DOK5: variants seen among roughly 807,000 people sequenced by gnomAD.
DOK5 encodes downstream of tyrosine kinase 5.
DOK5 carries 27 observed loss-of-function variants against 43.3 expected under a neutral mutation model. The observed-to-expected ratio is 0.62, with a 90% CI of 0.46 to 0.86. The LOEUF (loss-of-function observed/expected upper bound fraction) is 0.86. DOK5 is among the 40% of genes least tolerant of loss of function. The pLI is 0.00. For synonymous variants in DOK5, 146 were observed against 140.1 expected (o/e 1.04, Z -0.30); for missense variants, 373 against 392.9 (o/e 0.95, Z 0.43).
chr20:54,651,054 G>A lies in DOK5; in HGVS notation c.*575G>A, dbSNP rs2841. 0.3 allele frequency: 45,834 copies of A among 152,164 alleles called. 8,399 individuals carry two copies. Among genetic ancestry groups the A allele is most frequent in the East Asian group, 0.44 (2,263 of 5,156 alleles). 9.4% of individuals were successfully genotyped at this position (152,164 alleles called of 1,614,324 possible). A position where few individuals can be genotyped will look rare whatever the true frequency, so the allele number is the denominator to read the frequency against. ...AAGAACCCGTTAGTGTTGTTTACAG[G>A]GTTACAGTTTCTCTCACATGCTTTC... On this transcript the variant is annotated 3_prime_UTR_variant, in exon 8 of 8. Transcript: ENST00000262593.
chr20:54,561,149 C>T (rs1984891574), intron 2 of DOK5, among the ~76,000 whole-genome samples: 1 of 152,174 alleles, frequency 6.6e-6, no homozygotes, highest in African/African-American at 2.4e-5. Context: ...TCTGCTCTGT[C>T]TTCACCTCCC....
intron 1 of DOK5, among the ~76,000 whole-genome samples, chr20:54,502,307 A>T (rs1373489662): frequency 6.6e-6 from 1 of 152,212 alleles, no homozygotes; most frequent in African/African-American, 2.4e-5. Context: ...TTCTATGTAT[A>T]AGGTAATTCT....
chr20:54,569,782 A>G (rs1339427922), intron 2 of DOK5, among the ~76,000 whole-genome samples: 3 of 152,206 alleles, frequency 2.0e-5, no homozygotes, highest in Non-Finnish European at 2.9e-5. Context: ...TTTCACATGG[A>G]CAAATAAAGA....
chr20:54,499,225 G>C (rs1057259716), intron 1 of DOK5, among the ~76,000 whole-genome samples: 2 of 152,190 alleles, frequency 1.3e-5, no homozygotes, highest in African/African-American at 4.8e-5. Context: ...TACATGCCAT[G>C]CTAGATTTTC....
At chr20:54,476,249 G>A (rs1981420217) in intron 1 of DOK5, 2 of 963,994 alleles carry the variant, frequency 2.1e-6, no homozygotes, top group South Asian at 9.6e-5. Flanking sequence ...CCGCGTGTTG[G>A]GCTTCAGTAG....
intron 1 of DOK5, among the ~76,000 whole-genome samples, chr20:54,517,112 G>A (rs955743310): frequency 6.6e-6 from 1 of 152,174 alleles, no homozygotes; most frequent in African/African-American, 2.4e-5. Context: ...AATTAGCAGA[G>A]CTGATTTGAT....
chr20:54,482,125 G>A (rs952763372), intron 1 of DOK5, among the ~76,000 whole-genome samples: 9 of 152,186 alleles, frequency 5.9e-5, no homozygotes, highest in East Asian at 1.9e-4. Context: ...ATAAGATTTC[G>A]CCTTTATAAG....
chr20:54,624,157 T>G (rs1987070045), intron 6 of DOK5, among the ~76,000 whole-genome samples: 1 of 152,230 alleles, frequency 6.6e-6, no homozygotes, highest in African/African-American at 2.4e-5. Context: ...TTATACCTGC[T>G]TTGTAAAGCA....
intron 1 of DOK5, among the ~76,000 whole-genome samples, chr20:54,503,471 A>C (rs1982687013): frequency 6.6e-6 from 1 of 151,748 alleles, no homozygotes; most frequent in Admixed American, 6.5e-5. Context: ...TTTTTTAAAA[A>C]AATGGAAAAG....
chr20:54,624,351 A>G (rs1987074917), intron 6 of DOK5, among the ~76,000 whole-genome samples: 1 of 152,192 alleles, frequency 6.6e-6, no homozygotes, highest in African/African-American at 2.4e-5. Flanking sequence ...ATTAACTTTA[A>G]AAGCTGACCT....
At chr20:54,503,569 T>G (rs1261593282) in intron 1 of DOK5, among the ~76,000 whole-genome samples, 1 of 152,200 alleles carries the variant, frequency 6.6e-6, no homozygotes, top group South Asian at 2.1e-4. Context: ...ATTCACTTAC[T>G]ACTTCACTAA....
Position 54,475,688 on chromosome 20 carries a change from C to A in DOK5, c.-259C>A. ...GCAGGCCGGCCGCGGAGTCAGCTGA[C>A]GCCGGCGCTCCAGCCTCGCCTCCCC... On this transcript the variant is annotated 5_prime_UTR_variant, in exon 1 of 8. Coordinates refer to ENST00000262593, the MANE Select transcript of DOK5 (RefSeq NM_018431.5). This position sits in a 1 kb window ranked among gnomAD's most constrained non-coding sequence, Gnocchi z 4.2. The A allele has an allele frequency of 1.8e-6, 1 of 542,688 alleles. No homozygotes were observed. The highest frequency in any genetic ancestry group is 3.3e-6 in the Non-Finnish European group (1 of 307,014). The allele number at this position is 542,688 out of a possible 1,614,324, so 33.6% of individuals were successfully genotyped here.
At chr20:54,606,940 G>A (rs1202376801) in intron 5 of DOK5, among the ~76,000 whole-genome samples, 1 of 152,164 alleles carries the variant, frequency 6.6e-6, no homozygotes, top group Non-Finnish European at 1.5e-5. Context: ...AATGCACAGT[G>A]GTGATTTCTT....
At chr20:54,641,158 C>A (rs539707240) in intron 6 of DOK5, among the ~76,000 whole-genome samples, 5 of 152,198 alleles carry the variant, frequency 3.3e-5, no homozygotes, top group South Asian at 2.1e-4. Flanking sequence ...AGCTTTTGGA[C>A]CTTTTCATCT....
intron 2 of DOK5, among the ~76,000 whole-genome samples, chr20:54,581,586 T>C (rs1216957939): frequency 1.3e-5 from 2 of 152,006 alleles, no homozygotes; most frequent in Non-Finnish European, 2.9e-5. Flanking sequence ...TAGTTTTCAG[T>C]GTACAAATAT....
intron 1 of DOK5, among the ~76,000 whole-genome samples, chr20:54,531,843 G>C (rs901152025): frequency 3.3e-5 from 5 of 152,136 alleles, no homozygotes; most frequent in African/African-American, 1.2e-4. Context: ...ACTATAATTT[G>C]AGCAGTGCAT....
chr20:54,518,370 TG>T (rs1004005456), intron 1 of DOK5, among the ~76,000 whole-genome samples: 1 of 151,058 alleles, frequency 6.6e-6, no homozygotes, highest in Non-Finnish European at 1.5e-5. Flanking sequence ...TGAGAACATG[TG>T]GTGTTTGGTT....
chr20:54,544,326 C>T (rs985607907), intron 1 of DOK5, among the ~76,000 whole-genome samples: 2 of 151,970 alleles, frequency 1.3e-5, no homozygotes, highest in Non-Finnish European at 2.9e-5. Context: ...TGACCCAGCT[C>T]ATTATTTTGG....
At chr20:54,557,757 T>A (rs554794204) in intron 2 of DOK5, among the ~76,000 whole-genome samples, 25 of 152,268 alleles carry the variant, frequency 1.6e-4, no homozygotes, top group South Asian at 8.3e-4. Flanking sequence ...TTGCTCAAAT[T>A]GCTCCTCTAA....
Sources: gnomAD v4.1 joint callset for allele counts (sites outside exome capture counted in the v4.1 genomes callset) on GRCh38, gnomAD v4.1.1 for gene constraint, Gnocchi (gnomAD v3.1) non-coding constraint, MANE v1.5 for transcripts, NCBI Gene and HGNC (gene_info 2026-07-23, HGNC 2026-07-21) for gene names.